ANKS3: variants seen among roughly 807,000 people sequenced by gnomAD.
ANKS3 encodes ankyrin repeat and SAM domain-containing protein 3.
ANKS3 carries 62 observed loss-of-function variants against 80.7 expected under a neutral mutation model. The ratio of observed to expected loss-of-function variants is 0.77; its 90% CI spans 0.63 to 0.95. The LOEUF (loss-of-function observed/expected upper bound fraction) is 0.95, where lower values mean the gene tolerates loss of function less well. Among genes scored for constraint, ANKS3 ranks in the 40% least tolerant of loss-of-function variants. The pLI, the probability that ANKS3 is intolerant of heterozygous loss-of-function variation, is 0.00. For synonymous variants in ANKS3, 489 were observed against 355.3 expected (o/e 1.38, Z -4.23); for missense variants, 1,150 against 883.6 (o/e 1.30, Z -3.82).
intron 3 of ANKS3, chr16:4,729,301 C>A (rs1448874462): frequency 6.6e-6 from 1 of 152,206 alleles, no homozygotes; most frequent in South Asian, 2.1e-4. Flanking sequence ...TAGAGGGGAA[C>A]AGGGATCACA....
chr16:4,732,228 G>A (rs913527876), intron 1 of ANKS3, among the ~76,000 whole-genome samples: 1 of 152,098 alleles, frequency 6.6e-6, no homozygotes, highest in Admixed American at 6.6e-5. Flanking sequence ...CACTTTGCAG[G>A]TGAGAATCCC....
intron 6 of ANKS3, among the ~76,000 whole-genome samples, chr16:4,722,294 T>C (rs2081142588): frequency 6.6e-6 from 1 of 150,980 alleles, no homozygotes. Flanking sequence ...GAAATACAAA[T>C]GGCCAGCCGG....
Position 4,705,155 on chromosome 16 carries a change from G to A in ANKS3, c.808C>T (p.Arg270Ter), listed in dbSNP as rs773136335. Residue 270 changes from arginine to a stop codon, truncating the protein, a stop_gained, in exon 8 of 18, where the codon CGA (arginine) becomes TGA (stop). Transcript: ENST00000304283. LOFTEE classifies it high-confidence loss of function. ...KKGVSIHEGP[R>*]ALARITGIGL... ...ATGCCTGTGATCCTGGCCAGGGCTC[G>A]CGGTCCCTCGTGGATGCTGACACCC... 5 of 1,613,678 alleles carry A rather than the reference G, an allele frequency of 3.1e-6. No individual in the cohort carries two copies. The highest frequency in any genetic ancestry group is 3.4e-6 in the Non-Finnish European group (4 of 1,180,034).
At chr16:4,716,171 C>G (rs1002012527) in intron 6 of ANKS3, among the ~76,000 whole-genome samples, 9 of 151,600 alleles carry the variant, frequency 5.9e-5, no homozygotes, top group Non-Finnish European at 1.3e-4. Flanking sequence ...GCCTGGCCAA[C>G]AGGGTGAATC....
intron 11 of ANKS3, 36 bp downstream of exon 11, chr16:4,700,934 T>C: frequency 6.2e-7 from 1 of 1,613,014 alleles, no homozygotes; most frequent in South Asian, 1.1e-5. Context: ...AAGTGCCGTC[T>C]CTGAGTGTAA....
At chr16:4,697,463 C>A in intron 15 of ANKS3, 47 bp from the exon 16 acceptor site, 1 of 1,449,830 alleles carries the variant, frequency 6.9e-7, no homozygotes, top group East Asian at 2.3e-5. Context: ...TCTGCGTCCC[C>A]ACAGGCCCTG....
chr16:4,699,898 T>C (rs568933855), intron 11 of ANKS3: 1 of 152,512 alleles, frequency 6.6e-6, no homozygotes, highest in East Asian at 1.9e-4. Flanking sequence ...TTTGAGAGTT[T>C]ATTGCTTTTA....
At chr16:4,700,493 G>C in intron 11 of ANKS3, 1 of 303,304 alleles carries the variant, frequency 3.3e-6, no homozygotes, top group Non-Finnish European at 6.5e-6. Context: ...ACACAGGGTA[G>C]GAGAACTCAG....
At chr16:4,704,959 A>G (rs1002474044) in intron 8 of ANKS3, 136 bp downstream of exon 8, 1 of 1,162,366 alleles carries the variant, frequency 8.6e-7, no homozygotes, top group Non-Finnish European at 1.2e-6. Flanking sequence ...TGAGCATGAA[A>G]GCTGGGCCAC....
At chr16:4,712,297 G>T (rs2080536022) in intron 7 of ANKS3, among the ~76,000 whole-genome samples, 2 of 152,086 alleles carry the variant, frequency 1.3e-5, no homozygotes, top group African/African-American at 4.8e-5. Flanking sequence ...CTTGAACTCA[G>T]GAGGCGGAGG....
chr16:4,706,457 G>A (rs548352036), intron 7 of ANKS3, among the ~76,000 whole-genome samples: 4 of 152,182 alleles, frequency 2.6e-5, no homozygotes, highest in East Asian at 1.9e-4. Context: ...GGCTGGTCTC[G>A]ATCTCCTGAC....
At chr16:4,699,267 G>A in intron 11 of ANKS3, 91 bp from the exon 12 acceptor site, 2 of 1,508,644 alleles carry the variant, frequency 1.3e-6, no homozygotes, top group East Asian at 2.4e-5. Context: ...CACTTCCCCA[G>A]GCTCAGAACC....
chr16:4,728,563 A>G (rs116061154), intron 3 of ANKS3, among the ~76,000 whole-genome samples: 4,623 of 152,076 alleles, frequency 0.03, 83 homozygotes, highest in African/African-American at 0.044. Context: ...ACAGCAGAGC[A>G]TCTCCCTGGG....
At chr16:4,706,058 C>T (rs115312485) in intron 7 of ANKS3, among the ~76,000 whole-genome samples, 2,028 of 152,006 alleles carry the variant, frequency 0.013, 64 homozygotes, top group African/African-American at 0.046. Flanking sequence ...GCCACCATAC[C>T]CAGCTAATTT....
At position 4,702,184 on chromosome 16, in the gene ANKS3, T is replaced by C; in HGVS notation, c.927A>G (p.Glu309=). 6.3e-7 allele frequency: 1 copy of C among 1,593,374 alleles called. No individual in the cohort carries two copies. The highest frequency in any genetic ancestry group is 1.4e-5 in the African/African-American group (1 of 73,604). Residue 309 remains glutamate, a synonymous_variant, in exon 9 of 18, where the codon GAA becomes GAG. Transcript: ENST00000304283. ...CATCCCGGCAGCAGAGGCCCTCTTC[T>C]TCCAGGGGGTTCTCGCCACTGCTGT... is the stretch of plus-strand genomic sequence containing the variant. ...TFNSSGENPL[E]EEGLCCRDVT...
At chr16:4,728,173 G>A (rs2081450162) in intron 3 of ANKS3, 1 of 152,190 alleles carries the variant, frequency 6.6e-6, no homozygotes, top group African/African-American at 2.4e-5. Context: ...AGCCTCCCAA[G>A]TAGCTGGGAC....
chr16:4,697,917 G>T, intron 15 of ANKS3, 60 bp downstream of exon 15: 1 of 1,411,588 alleles, frequency 7.1e-7, no homozygotes, highest in Non-Finnish European at 9.4e-7. Flanking sequence ...GGTCAAACCT[G>T]GCTTCAGGGC....
intron 6 of ANKS3, among the ~76,000 whole-genome samples, chr16:4,714,516 C>T (rs1182353489): frequency 6.6e-6 from 1 of 152,226 alleles, no homozygotes; most frequent in Non-Finnish European, 1.5e-5. Context: ...CCACTCACTT[C>T]GCTTGTCTTC....
At chr16:4,698,125 T>A (rs1431882660) in intron 14 of ANKS3, 63 bp from the exon 15 acceptor site, 4 of 1,506,714 alleles carry the variant, frequency 2.7e-6, no homozygotes, top group Non-Finnish European at 3.6e-6. Flanking sequence ...AGCCCCCACC[T>A]CAGACCTTCT....
Sources: allele counts gnomAD v4.1 joint callset (sites outside exome capture counted in the v4.1 genomes callset), GRCh38; gene constraint gnomAD v4.1.1; transcripts MANE v1.5; gene names NCBI Gene and HGNC (gene_info 2026-07-23, HGNC 2026-07-21).